STMN1: variants seen among roughly 807,000 people sequenced by gnomAD.
STMN1 encodes stathmin.
Under a neutral mutation model 19.7 loss-of-function variants are expected in STMN1, and 3 were observed. That is an observed-to-expected ratio of 0.15 (90% CI 0.07 to 0.39). The LOEUF is 0.39. Ranked by LOEUF, STMN1 falls within the 10% of genes least tolerant of loss-of-function variation. The probability of loss-of-function intolerance (pLI) is 1.00; values close to 1 mark genes in which losing one functional copy is unlikely to be tolerated. For missense variants in STMN1, 99 were observed against 176.0 expected (o/e 0.56, Z 2.48); for synonymous variants, 59 against 58.9 (o/e 1.00, Z -0.01).
downstream of STMN1, among the ~76,000 whole-genome samples, chr1:25,896,141 G>A (rs1470796683): frequency 6.6e-6 from 1 of 152,134 alleles, no homozygotes; most frequent in African/African-American, 2.4e-5. Flanking sequence ...TAAAAGTCTG[G>A]GTTTGAGTCC....
chr1:25,903,518 G>C, intron 3 of STMN1, 123 bp downstream of exon 3: 1 of 1,309,364 alleles, frequency 7.6e-7, no homozygotes, highest in Non-Finnish European at 1.1e-6. Flanking sequence ...TTTCCTTCCA[G>C]TCACTGGCAT....
At position 25,900,448 on chromosome 1, in the gene STMN1, C is replaced by A. The variant is rs987229133; in HGVS notation, c.*568G>T. On this transcript the variant is annotated 3_prime_UTR_variant, in exon 5 of 5. Transcript: ENST00000455785. ...GGCAAGAAACGGGGCAGAGAACGTG[C>A]GGTCATTTGTGCGTTGGGTATTTCT... 1.0e-6 allele frequency: 1 copy of A among 985,810 alleles called. No individual in the cohort carries two copies. Among genetic ancestry groups the A allele is most frequent in the Non-Finnish European group, 1.2e-6 (1 of 829,982 alleles). The allele number at this position is 985,810 out of a possible 1,614,324, so 61.1% of individuals were successfully genotyped here.
chr1:25,903,535 T>G, intron 3 of STMN1, 106 bp downstream of exon 3: 1 of 1,442,244 alleles, frequency 6.9e-7, no homozygotes, highest in African/African-American at 1.4e-5. Flanking sequence ...GCATATGTAA[T>G]AATCACAGTG....
intron 4 of STMN1, among the ~76,000 whole-genome samples, chr1:25,888,749 T>C (rs1433306135): frequency 6.6e-6 from 1 of 152,152 alleles, no homozygotes; most frequent in Non-Finnish European, 1.5e-5. Context: ...CCACGATCTA[T>C]CCATCTCCCT....
intron 4 of STMN1, among the ~76,000 whole-genome samples, chr1:25,891,940 G>A (rs1161178600): frequency 6.6e-6 from 1 of 152,200 alleles, no homozygotes; most frequent in Non-Finnish European, 1.5e-5. Context: ...TGCAGCCTGC[G>A]AGGGGGTCTC....
chr1:25,898,095 A>C (rs1022026980), downstream of STMN1, among the ~76,000 whole-genome samples: 1 of 152,068 alleles, frequency 6.6e-6, no homozygotes, highest in African/African-American at 2.4e-5. Flanking sequence ...TGGTTTTGTT[A>C]CTGACCACTG....
intron 1 of STMN1, 65 bp from the exon 2 acceptor site, chr1:25,904,803 A>G (rs888301777): frequency 1.6e-6 from 2 of 1,257,498 alleles, no homozygotes; most frequent in Non-Finnish European, 2.2e-6. Context: ...TCAACCCAAA[A>G]AAATCTCACA....
chr1:25,891,678 G>C (rs750475144), intron 4 of STMN1, among the ~76,000 whole-genome samples: 1 of 152,238 alleles, frequency 6.6e-6, no homozygotes, highest in African/African-American at 2.4e-5. Flanking sequence ...GTTGGCAGAG[G>C]CAAGTACAGA....
At chr1:25,891,883 AG>A (rs2048779088) in intron 4 of STMN1, among the ~76,000 whole-genome samples, 1 of 152,076 alleles carries the variant, frequency 6.6e-6, no homozygotes, top group Non-Finnish European at 1.5e-5. Flanking sequence ...CTGGGCAGGG[AG>A]GGGCCAGCCC....
At chr1:25,898,377 A>AC (rs545021429), downstream of STMN1, among the ~76,000 whole-genome samples, 31 of 152,114 alleles carry the variant, frequency 2.0e-4, 1 homozygote, top group Non-Finnish European at 5.9e-5. Flanking sequence ...CACTCCTTTC[A>AC]CCAAAGCACT....
intron 4 of STMN1, among the ~76,000 whole-genome samples, chr1:25,889,344 G>A (rs1024633921): frequency 1.3e-5 from 2 of 152,174 alleles, no homozygotes; most frequent in Non-Finnish European, 2.9e-5. Context: ...TCAGGTTTCT[G>A]TTATAAGGGA....
chr1:25,885,178 G>A (rs1463090032), downstream of STMN1: 1 of 153,828 alleles, frequency 6.5e-6, no homozygotes, highest in Non-Finnish European at 1.5e-5. Flanking sequence ...TGTTGATTCT[G>A]TCTTTGTTGG....
rs925222292 is a variant in STMN1 at position 25,906,194 on chromosome 1, G to A, written c.-63+195C>T. 1 of 152,144 alleles carries A rather than the reference G, an allele frequency of 6.6e-6. No individual in the cohort carries two copies. The highest frequency in any genetic ancestry group is 1.5e-5 in the Non-Finnish European group (1 of 68,088). 9.4% of individuals were successfully genotyped at this position (152,144 alleles called of 1,614,324 possible). A position where few individuals can be genotyped will look rare whatever the true frequency, so the allele number is the denominator to read the frequency against. On this transcript the variant is annotated intron_variant, in intron 1 of 4. Transcript: ENST00000455785. The surrounding 1 kb of genome is among the most constrained non-coding windows in gnomAD (Gnocchi z 4.5). ...CCACGAACAGCCGCGCCCCCGGAGA[G>A]CGGGGACAAAGGCGAGGCTCCGCCC...
chr1:25,895,000 T>C (rs1332299290), intron 4 of STMN1, among the ~76,000 whole-genome samples: 1 of 152,046 alleles, frequency 6.6e-6, no homozygotes, highest in African/African-American at 2.4e-5. Flanking sequence ...CCAGCAAGTG[T>C]TTGGTGACTG....
chr1:25,906,581 T>C, upstream of STMN1: 1 of 151,696 alleles, frequency 6.6e-6, no homozygotes, highest in East Asian at 2.0e-4. This position sits in a 1 kb window ranked among gnomAD's most constrained non-coding sequence, Gnocchi z 4.5. Flanking sequence ...TCGGGAAGTG[T>C]AGTCCTGTCC....
intron 4 of STMN1, among the ~76,000 whole-genome samples, chr1:25,892,847 C>T (rs1427189179): frequency 6.6e-6 from 1 of 152,210 alleles, no homozygotes; most frequent in Non-Finnish European, 1.5e-5. Context: ...CCTAACTCCA[C>T]TCCGTGATTT....
downstream of STMN1, among the ~76,000 whole-genome samples, chr1:25,897,359 T>C (rs1410628890): frequency 6.6e-6 from 1 of 151,546 alleles, no homozygotes; most frequent in Non-Finnish European, 1.5e-5. Flanking sequence ...ATCTTCTGTA[T>C]TCCTAAATGA....
chr1:25,894,508 T>C (rs159521), intron 4 of STMN1, among the ~76,000 whole-genome samples: 85,044 of 151,930 alleles, frequency 0.56, 24,082 homozygotes, highest in South Asian at 0.75. Flanking sequence ...GGTGAAATCT[T>C]GTCTCTACAA....
chr1:25,892,740 CA>C (rs2048787572), intron 4 of STMN1: 1 of 296,670 alleles, frequency 3.4e-6, no homozygotes, highest in South Asian at 1.3e-4. Flanking sequence ...CCAGGCTTTG[CA>C]GTGCCTGGCT....
Sources: gnomAD v4.1 joint callset for allele counts (sites outside exome capture counted in the v4.1 genomes callset) on GRCh38, gnomAD v4.1.1 for gene constraint, Gnocchi (gnomAD v3.1) non-coding constraint, MANE v1.5 for transcripts, NCBI Gene and HGNC (gene_info 2026-07-23, HGNC 2026-07-21) for gene names.